Variants in ADCY2 observed in about 807,000 individuals in gnomAD.
ADCY2 encodes the protein adenylate cyclase 2.
In ADCY2, 31 loss-of-function variants were observed where a neutral mutation model predicts 125.2. The ratio of observed to expected loss-of-function variants is 0.25; its 90% CI spans 0.19 to 0.33. ADCY2 has a LOEUF of 0.33. Among genes scored for constraint, ADCY2 ranks in the 10% least tolerant of loss-of-function variants. The pLI is 1.00. For missense variants in ADCY2, 904 were observed against 1,418.2 expected (o/e 0.64, Z 5.82); for synonymous variants, 512 against 548.4 (o/e 0.93, Z 0.93).
chr5:7,741,869 A>G (rs1280156465), intron 14 of ADCY2, among the ~76,000 whole-genome samples: 3 of 151,012 alleles, frequency 2.0e-5, no homozygotes, highest in African/African-American at 7.3e-5. Flanking sequence ...ATCCCTATCA[A>G]TATCACCATC....
At position 7,484,376 on chromosome 5, in the gene ADCY2, A is replaced by T. The variant is rs145215349; in HGVS notation, c.409-36362A>T. 2.0e-5 allele frequency among the ~76,000 whole-genome samples: 3 copies of T among 152,356 alleles called. No homozygotes were observed. In the East Asian group the frequency reaches 5.8e-4, roughly 29 times the overall value. On this transcript the variant is annotated intron_variant, in intron 2 of 24. Coordinates refer to ENST00000338316, the MANE Select transcript of ADCY2 (RefSeq NM_020546.3). ...AAAATGCATTTTATAACAAATGTGC[A>T]TCATCTTCCCAGGGAAAATAATGAA...
At chr5:7,475,128 A>C (rs1369339260) in intron 2 of ADCY2, among the ~76,000 whole-genome samples, 1 of 152,242 alleles carries the variant, frequency 6.6e-6, no homozygotes, top group Non-Finnish European at 1.5e-5. Flanking sequence ...CCCATTGGCC[A>C]GTTCTGACAG....
chr5:7,601,206 C>G (rs1285154228), intron 3 of ADCY2, among the ~76,000 whole-genome samples: 2 of 152,166 alleles, frequency 1.3e-5, no homozygotes, highest in Non-Finnish European at 2.9e-5. Flanking sequence ...AGAGTTCCCT[C>G]ATTGTCCCTC....
intron 4 of ADCY2, among the ~76,000 whole-genome samples, chr5:7,672,465 TG>T (rs1739968100): frequency 6.6e-6 from 1 of 152,116 alleles, no homozygotes; most frequent in Non-Finnish European, 1.5e-5. Context: ...TTATGTGGCC[TG>T]AGTACTAAGA....
At chr5:7,787,230 C>A (rs1219573681) in intron 19 of ADCY2, among the ~76,000 whole-genome samples, 1 of 152,200 alleles carries the variant, frequency 6.6e-6, no homozygotes, top group Admixed American at 6.5e-5. Context: ...GTCTCCTCTG[C>A]AGCACTGCCC....
At chr5:7,751,968 TAACA>T (rs1357557820) in intron 15 of ADCY2, among the ~76,000 whole-genome samples, 6 of 152,132 alleles carry the variant, frequency 3.9e-5, no homozygotes, top group African/African-American at 1.4e-4. Context: ...TCCTACCATT[TAACA>T]AACACTATAC....
intron 2 of ADCY2, among the ~76,000 whole-genome samples, chr5:7,452,401 A>T (rs928532762): frequency 6.6e-6 from 1 of 152,186 alleles, no homozygotes; most frequent in African/African-American, 2.4e-5. Flanking sequence ...AATGGCCTCC[A>T]GTTTTATACA....
At chr5:7,420,408 G>C (rs1740153746) in intron 2 of ADCY2, among the ~76,000 whole-genome samples, 1 of 152,156 alleles carries the variant, frequency 6.6e-6, no homozygotes. Context: ...GCAACAACAA[G>C]GGTGGGGACC....
chr5:7,745,209 A>C (rs548192216), intron 15 of ADCY2, among the ~76,000 whole-genome samples: 1 of 152,298 alleles, frequency 6.6e-6, no homozygotes, highest in Admixed American at 6.5e-5. Flanking sequence ...CACGCTGTCC[A>C]TTGCATTCCA....
intron 4 of ADCY2, among the ~76,000 whole-genome samples, chr5:7,689,476 C>A (rs1331477683): frequency 1.3e-5 from 2 of 152,186 alleles, no homozygotes; most frequent in African/African-American, 4.8e-5. Context: ...CTGAGCTTCC[C>A]CTATGAGCAC....
Position 7,396,525 on chromosome 5 carries a change from G to A in ADCY2, c.210+19G>A. The A allele has an allele frequency of 6.5e-7, 1 of 1,548,836 alleles. No individual in the cohort carries two copies. Among genetic ancestry groups the A allele is most frequent in the Non-Finnish European group, 8.7e-7 (1 of 1,149,386 alleles). ...CGGGCTGGTGAGTGGCCTCCCCGCG[G>A]GTCCAGCGCCGCGCCTTCCCCGGCC... On this transcript the variant is annotated intron_variant, in intron 1 of 24. Transcript: ENST00000338316. The surrounding 1 kb of genome is among the most constrained non-coding windows in gnomAD (Gnocchi z 5.7).
intron 2 of ADCY2, among the ~76,000 whole-genome samples, chr5:7,501,774 G>C (rs1176703162): frequency 6.6e-6 from 1 of 151,190 alleles, no homozygotes; most frequent in African/African-American, 2.4e-5. Flanking sequence ...GCCTTGGTTG[G>C]CCTGGAAGTC....
intron 3 of ADCY2, among the ~76,000 whole-genome samples, chr5:7,586,358 A>G (rs897080258): frequency 1.3e-5 from 2 of 152,174 alleles, no homozygotes; most frequent in African/African-American, 4.8e-5. Context: ...TAAAACAGCC[A>G]CTTTCAAGGT....
intron 2 of ADCY2, among the ~76,000 whole-genome samples, chr5:7,423,516 A>C (rs1362198999): frequency 1.3e-5 from 2 of 151,916 alleles, no homozygotes. Flanking sequence ...GGAAGGGGAG[A>C]TCCCCTGCAC....
In ADCY2 at chr5:7,599,753, A is replaced by G. The variant is rs187269498; in HGVS notation, c.571-26414A>G. Among the ~76,000 whole-genome samples, 18 of 152,334 alleles carry G rather than the reference A, an allele frequency of 1.2e-4. 1 individual carries two copies. Among genetic ancestry groups the G allele is most frequent in the Middle Eastern group, 3.4e-3 (1 of 294 alleles). On this transcript the variant is annotated intron_variant, in intron 3 of 24. Transcript: ENST00000338316. ...GGAGCTAGAGGAGCAGAAGAGTCGC[A>G]AGGAATCATCAGTGAAAGAAGATCT...
intron 2 of ADCY2, among the ~76,000 whole-genome samples, chr5:7,489,091 C>T (rs1459304445): frequency 6.6e-6 from 1 of 152,200 alleles, no homozygotes; most frequent in East Asian, 1.9e-4. Flanking sequence ...GCCCAGAGCA[C>T]TCCTGAGGCC....
chr5:7,522,370 C>A (rs1208162659), intron 3 of ADCY2: 1 of 152,140 alleles, frequency 6.6e-6, no homozygotes, highest in South Asian at 2.1e-4. Context: ...TGGAAACCAC[C>A]CTTCTACTCA....
intron 7 of ADCY2, among the ~76,000 whole-genome samples, chr5:7,701,616 A>C (rs1391751421): frequency 1.3e-5 from 2 of 152,134 alleles, no homozygotes; most frequent in Non-Finnish European, 2.9e-5. Context: ...ATCACCCCAG[A>C]CAGAAATTCT....
In ADCY2 at chr5:7,459,394, C is replaced by T. The variant is rs115940299; in HGVS notation, c.408+44624C>T. Among the ~76,000 whole-genome samples, 671 of 152,224 alleles carry T rather than the reference C, an allele frequency of 4.4e-3. 3 individuals are homozygous for T. Among genetic ancestry groups the T allele is most frequent in the African/African-American group, 0.015 (624 of 41,522 alleles). ...GTCTTGCGGTTGCTGTTTCTTTTCA[C>T]GGATGTGCACAGGTGAATGTAAGGT... On this transcript the variant is annotated intron_variant, in intron 2 of 24. Transcript: ENST00000338316.
Sources: allele counts gnomAD v4.1 joint callset (sites outside exome capture counted in the v4.1 genomes callset), GRCh38; gene constraint gnomAD v4.1.1; non-coding constraint Gnocchi (gnomAD v3.1); transcripts MANE v1.5; gene names NCBI Gene and HGNC (gene_info 2026-07-23, HGNC 2026-07-21).